SLC2A13: variants seen among roughly 807,000 people sequenced by gnomAD.
SLC2A13 encodes the protein solute carrier family 2 member 13.
A neutral mutation model predicts 64.4 loss-of-function variants in SLC2A13; 32 were observed. That is an observed-to-expected ratio of 0.50 (90% confidence interval 0.37 to 0.67). The LOEUF (loss-of-function observed/expected upper bound fraction) is 0.67. Among genes scored for constraint, SLC2A13 ranks in the 30% least tolerant of loss-of-function variants. The pLI is 0.00. For synonymous variants in SLC2A13, 338 were observed against 327.1 expected, an observed-to-expected ratio of 1.03 and a Z score of -0.36; for missense variants, 743 against 829.2, an observed-to-expected ratio of 0.90 and a Z score of 1.28.
chr12:39,984,730 G>C (rs572900753), intron 3 of SLC2A13, among the ~76,000 whole-genome samples: 1 of 152,084 alleles, frequency 6.6e-6, no homozygotes, highest in Admixed American at 6.5e-5. Context: ...ATTTTTTTAA[G>C]AGGCTAATGT....
chr12:40,105,574 C>G lies in SLC2A13; in HGVS notation c.235G>C (p.Ala79Pro). ...RRQFQQDETP[A>P]FVYVVAVFSA... ...AAGACGGCCACCACGTACACGAAGG[C>G]GGGGGTCTCGTCCTGCTGGAACTGC... is the stretch of plus-strand genomic sequence containing the variant. Residue 79 changes from alanine to proline, a missense_variant, in exon 1 of 10, where the codon GCC (alanine) becomes CCC (proline). Ala to Pro is a conservative substitution (Grantham distance 27). Around this residue, in one of 2 missense-constraint regions of SLC2A13, gnomAD observed 448 missense variants for 447.4 expected, o/e 1.00. Coordinates refer to ENST00000280871, the MANE Select transcript of SLC2A13 (RefSeq NM_052885.4). The surrounding 1 kb of genome is among the most constrained non-coding windows in gnomAD (Gnocchi z 4.2). The G allele has an allele frequency of 6.4e-7, 1 of 1,566,904 alleles. No homozygotes were observed. The highest frequency in any genetic ancestry group is 1.2e-5 in the South Asian group (1 of 85,384).
chr12:39,869,381 A>G (rs1271716862), intron 5 of SLC2A13, among the ~76,000 whole-genome samples: 1 of 152,184 alleles, frequency 6.6e-6, no homozygotes, highest in Non-Finnish European at 1.5e-5. Flanking sequence ...TGTACAGGTA[A>G]AAGAGGAGAC....
chr12:39,867,633 T>C (rs778876611), intron 5 of SLC2A13, among the ~76,000 whole-genome samples: 1 of 152,208 alleles, frequency 6.6e-6, no homozygotes, highest in Non-Finnish European at 1.5e-5. Context: ...ATTCTGTATA[T>C]AGAAAATTCC....
chr12:40,094,583 G>A lies in SLC2A13; in HGVS notation c.556+10670C>T, dbSNP rs546044810. ...CAGTCCTTGCACTGACCAACACAGAGGGCACAGTAAAGTTGACAAGAGCAA... is the reference window on the plus strand; with the variant it reads ...CAGTCCTTGCACTGACCAACACAGAAGGCACAGTAAAGTTGACAAGAGCAA... On this transcript the variant is annotated intron_variant, in intron 1 of 9. Coordinates refer to ENST00000280871, the MANE Select transcript of SLC2A13 (RefSeq NM_052885.4). 4.6e-5 allele frequency among the ~76,000 whole-genome samples: 7 copies of A among 152,284 alleles called. No homozygotes were observed. In the South Asian group the frequency reaches 1.4e-3, roughly 32 times the overall value.
At chr12:40,093,710 C>A (rs1313987928) in intron 1 of SLC2A13, among the ~76,000 whole-genome samples, 8 of 150,380 alleles carry the variant, frequency 5.3e-5, no homozygotes, top group African/African-American at 7.4e-5. Context: ...CAGAGGAAAC[C>A]GCCCATAAAA....
intron 5 of SLC2A13, among the ~76,000 whole-genome samples, chr12:39,870,537 T>C (rs1248055610): frequency 6.6e-6 from 1 of 152,244 alleles, no homozygotes; most frequent in Non-Finnish European, 1.5e-5. Context: ...CTGGTAGGCT[T>C]CTGCCTTTAG....
chr12:40,091,054 ACTGCTC>A (rs1211606478), intron 1 of SLC2A13, among the ~76,000 whole-genome samples: 1 of 152,214 alleles, frequency 6.6e-6, no homozygotes, highest in Non-Finnish European at 1.5e-5. Flanking sequence ...GCTATAGCCT[ACTGCTC>A]CTAGGCTACA....
intron 9 of SLC2A13, among the ~76,000 whole-genome samples, chr12:39,761,408 A>G (rs928052705): frequency 6.6e-6 from 1 of 152,086 alleles, no homozygotes; most frequent in African/African-American, 2.4e-5. Flanking sequence ...GCTTTGCCCA[A>G]CTGTAAAGAA....
At position 39,759,572 on chromosome 12, in the gene SLC2A13, G is replaced by A. The variant is rs553298097; in HGVS notation, c.*454C>T. 1 of 154,588 alleles carries A rather than the reference G, an allele frequency of 6.5e-6. No individual in the cohort carries two copies. The highest frequency in any genetic ancestry group is 2.4e-5 in the African/African-American group (1 of 41,514). The allele number at this position is 154,588 out of a possible 1,614,324, so 9.6% of individuals were successfully genotyped here. A position where few individuals can be genotyped will look rare whatever the true frequency, so the allele number is the denominator to read the frequency against. ...ATCAGAGATAAGCCACTACTCTGTA[G>A]GAAAACTGAGGGCCAATAGGCCATC... On this transcript the variant is annotated 3_prime_UTR_variant, in exon 10 of 10. Transcript: ENST00000280871.
chr12:39,755,766 A>G lies in SLC2A13; in HGVS notation c.*4260T>C, dbSNP rs2135700303. 6.6e-6 allele frequency: 1 copy of G among 152,232 alleles called. No homozygotes were observed. Among genetic ancestry groups the G allele is most frequent in the South Asian group, 2.1e-4 (1 of 4,818 alleles). 9.4% of individuals were successfully genotyped at this position (152,232 alleles called of 1,614,324 possible). ...GAAGGCATTTAAAATTCCATAGACC[A>G]AATTACTCAAGTACAACAGACTATA... On this transcript the variant is annotated 3_prime_UTR_variant, in exon 10 of 10. Coordinates refer to ENST00000280871, the MANE Select transcript of SLC2A13 (RefSeq NM_052885.4).
chr12:39,931,883 T>G (rs1945831462), intron 4 of SLC2A13, among the ~76,000 whole-genome samples: 1 of 152,080 alleles, frequency 6.6e-6, no homozygotes, highest in Admixed American at 6.5e-5. Flanking sequence ...TAAAATAGTA[T>G]TATAATTTTA....
intron 7 of SLC2A13, among the ~76,000 whole-genome samples, chr12:39,793,347 C>T (rs1276684260): frequency 1.3e-5 from 2 of 152,008 alleles, no homozygotes; most frequent in Admixed American, 1.3e-4. Flanking sequence ...TAAATAAATG[C>T]AGAGATGTAC....
At chr12:39,793,429 T>TA (rs1445252121) in intron 7 of SLC2A13, among the ~76,000 whole-genome samples, 8 of 152,098 alleles carry the variant, frequency 5.3e-5, no homozygotes, top group African/African-American at 1.9e-4. Context: ...GTAAGTCCAA[T>TA]AAAAATCTTA....
chr12:39,818,177 A>G (rs899860103), intron 7 of SLC2A13, among the ~76,000 whole-genome samples: 8 of 152,154 alleles, frequency 5.3e-5, no homozygotes, highest in African/African-American at 1.9e-4. Flanking sequence ...TGAAAAAGCT[A>G]TTAAATACCC....
intron 1 of SLC2A13, among the ~76,000 whole-genome samples, chr12:40,072,830 T>G (rs990342662): frequency 6.6e-6 from 1 of 152,156 alleles, no homozygotes; most frequent in African/African-American, 2.4e-5. Context: ...ATCTGCCTTT[T>G]AATTGGTACA....
At chr12:40,100,755 G>A (rs1270820659) in intron 1 of SLC2A13, among the ~76,000 whole-genome samples, 16 of 152,068 alleles carry the variant, frequency 1.1e-4, no homozygotes, top group Non-Finnish European at 1.5e-5. Context: ...CCTGAGATCA[G>A]GAGTTCGAGA....
intron 7 of SLC2A13, among the ~76,000 whole-genome samples, chr12:39,789,063 T>C (rs1017858409): frequency 1.3e-5 from 2 of 152,170 alleles, no homozygotes; most frequent in African/African-American, 4.8e-5. Context: ...CTTTAAAGAA[T>C]GATAATAAGA....
chr12:39,922,044 T>A (rs1945623105), intron 4 of SLC2A13, among the ~76,000 whole-genome samples: 2 of 152,126 alleles, frequency 1.3e-5, no homozygotes, highest in Non-Finnish European at 2.9e-5. Context: ...TTCTCAAATG[T>A]TTCAAATTTA....
At chr12:39,842,665 T>A (rs1451742236) in intron 6 of SLC2A13, among the ~76,000 whole-genome samples, 1 of 152,072 alleles carries the variant, frequency 6.6e-6, no homozygotes, top group African/African-American at 2.4e-5. Context: ...TTAACAATGT[T>A]AAAGCTTGCA....
Sources: gnomAD v4.1 joint callset for allele counts (sites outside exome capture counted in the v4.1 genomes callset) on GRCh38, gnomAD v4.1.1 for gene constraint, gnomAD v4.1.1 regional missense constraint, Gnocchi (gnomAD v3.1) non-coding constraint, MANE v1.5 for transcripts, NCBI Gene and HGNC (gene_info 2026-07-23, HGNC 2026-07-21) for gene names.